RFTN1: variants seen among roughly 807,000 people sequenced by gnomAD.
The protein encoded by RFTN1 is raftlin.
Under a neutral mutation model 46.5 loss-of-function variants are expected in RFTN1, and 26 were observed. That is an observed-to-expected ratio of 0.56 (90% CI 0.41 to 0.78). The LOEUF (loss-of-function observed/expected upper bound fraction) is 0.78. Among genes scored for constraint, RFTN1 ranks in the 30% least tolerant of loss-of-function variants. The probability of loss-of-function intolerance (pLI) is 0.00; values close to 1 mark genes in which losing one functional copy is unlikely to be tolerated. For missense variants in RFTN1, 693 were observed against 718.7 expected, an observed-to-expected ratio of 0.96 and a Z score of 0.41; for synonymous variants, 261 against 284.2, an observed-to-expected ratio of 0.92 and a Z score of 0.82.
chr3:16,353,848 C>T lies in RFTN1; in HGVS notation c.1146+4084G>A, dbSNP rs2072249386. 6.6e-6 allele frequency among the ~76,000 whole-genome samples: 1 copy of T among 152,148 alleles called. No individual in the cohort carries two copies. Among genetic ancestry groups the T allele is most frequent in the Non-Finnish European group, 1.5e-5 (1 of 68,028 alleles). On this transcript the variant is annotated intron_variant, in intron 7 of 9. Coordinates refer to ENST00000334133, the MANE Select transcript of RFTN1 (RefSeq NM_015150.2). The surrounding 1 kb of genome is among the most constrained non-coding windows in gnomAD (Gnocchi z 5.4). Reference sequence around the variant, plus strand: ...GAGCCCTCACCAGAAACCAAACCCTCCCAGAACCTTGATCTTGGACTTTTC... The same window carrying T: ...GAGCCCTCACCAGAAACCAAACCCTTCCAGAACCTTGATCTTGGACTTTTC...
At position 16,459,750 on chromosome 3, in the gene RFTN1, T is replaced by G. The variant is rs1341306683; in HGVS notation, c.146-25713A>C. ...CACTTATATCTAGTCAATATCATCA[T>G]GTTATAGAAAAAAGTTGAAAAAGGA... On this transcript the variant is annotated intron_variant, in intron 2 of 9. Coordinates refer to ENST00000334133, the MANE Select transcript of RFTN1 (RefSeq NM_015150.2). This position sits in a 1 kb window ranked among gnomAD's most constrained non-coding sequence, Gnocchi z 4.2. Among the ~76,000 whole-genome samples the G allele has an allele frequency of 1.3e-5, 2 of 151,736 alleles. No homozygotes were observed. Among genetic ancestry groups the G allele is most frequent in the Non-Finnish European group, 2.9e-5 (2 of 68,030 alleles).
intron 7 of RFTN1, among the ~76,000 whole-genome samples, chr3:16,328,451 A>T (rs965846543): frequency 1.3e-5 from 2 of 152,212 alleles, no homozygotes; most frequent in Non-Finnish European, 2.9e-5. Context: ...GGAACAACCT[A>T]CCTGCCCTGT....
rs540104859 is a variant in RFTN1, at chr3:16,335,776, TAAA to T, written c.1147-8903_1147-8901del. The stretch of plus-strand genomic sequence containing the variant: ...ATCCTGCACTTGCACCCTGGAACTT[TAAA>T]AAAAAAAAAAAAAAAAGGAGTTTGA... On this transcript the variant is annotated intron_variant, in intron 7 of 9. Coordinates refer to ENST00000334133, the MANE Select transcript of RFTN1 (RefSeq NM_015150.2). The surrounding 1 kb of genome is among the most constrained non-coding windows in gnomAD (Gnocchi z 4.7). Among the ~76,000 whole-genome samples, 25,853 of 136,574 alleles carry T rather than the reference TAAA, an allele frequency of 0.19. 2,351 individuals carry two copies. Among genetic ancestry groups the T allele is most frequent in the Middle Eastern group, 0.28 (78 of 278 alleles). 89.6% of individuals were successfully genotyped at this position (136,574 alleles called of 152,430 possible). A position where few individuals can be genotyped will look rare whatever the true frequency, so the allele number is the denominator to read the frequency against.
chr3:16,496,311 G>T (rs1366055140), intron 1 of RFTN1, among the ~76,000 whole-genome samples: 1 of 152,196 alleles, frequency 6.6e-6, no homozygotes, highest in Non-Finnish European at 1.5e-5. Flanking sequence ...AGTGTGTGTT[G>T]GCTCCTGCAC....
intron 2 of RFTN1, among the ~76,000 whole-genome samples, chr3:16,476,677 G>A (rs1463998731): frequency 2.0e-5 from 3 of 152,186 alleles, no homozygotes; most frequent in African/African-American, 7.2e-5. Context: ...CCATCAGAGA[G>A]AAACACCCTG....
At chr3:16,360,174 C>CTT (rs201914116) in intron 6 of RFTN1, among the ~76,000 whole-genome samples, 5 of 146,088 alleles carry the variant, frequency 3.4e-5, no homozygotes, top group Non-Finnish European at 6.1e-5. Flanking sequence ...ATTGCAGTTT[C>CTT]TTTTTTTTTT....
At chr3:16,430,241 G>C (rs1025476383) in intron 3 of RFTN1, among the ~76,000 whole-genome samples, 2 of 152,040 alleles carry the variant, frequency 1.3e-5, no homozygotes, top group South Asian at 4.2e-4. Context: ...CTCCCGGGTA[G>C]CTGGGACTAC....
In RFTN1 at chr3:16,473,402, CTTT is replaced by C. The variant is rs5846924; in HGVS notation, c.145+20320_145+20322del. On this transcript the variant is annotated intron_variant, in intron 2 of 9. Transcript: ENST00000334133. This position sits in a 1 kb window ranked among gnomAD's most constrained non-coding sequence, Gnocchi z 5.3. The stretch of plus-strand genomic sequence containing the variant: ...AAATACTCTGTTTTCTTTCTTTTTT[CTTT>C]TTTTTTTTTTCCTGAGATAGAGTCT... Among the ~76,000 whole-genome samples, 1 of 144,776 alleles carries C rather than the reference CTTT, an allele frequency of 6.9e-6. No homozygotes were observed. The allele number at this position is 144,776 out of a possible 152,430, so 95.0% of individuals were successfully genotyped here. A position where few individuals can be genotyped will look rare whatever the true frequency, so the allele number is the denominator to read the frequency against.
At chr3:16,493,598 A>T in intron 2 of RFTN1, 127 bp downstream of exon 2, 1 of 843,720 alleles carries the variant, frequency 1.2e-6, no homozygotes, top group Non-Finnish European at 1.8e-6. Flanking sequence ...CCCCCTTGAG[A>T]CAGGCCTGCC....
chr3:16,431,795 A>G, intron 3 of RFTN1, among the ~76,000 whole-genome samples: 1 of 152,156 alleles, frequency 6.6e-6, no homozygotes, highest in East Asian at 1.9e-4. Context: ...TGAGTAATAA[A>G]AGTACTTCTT....
intron 4 of RFTN1, among the ~76,000 whole-genome samples, chr3:16,404,143 T>A (rs2074751485): frequency 3.8e-5 from 2 of 53,208 alleles, no homozygotes; most frequent in Non-Finnish European, 3.0e-5. Context: ...ATATATAATA[T>A]ACATTTTATA....
chr3:16,383,491 A>G lies in RFTN1; in HGVS notation c.442-5389T>C, dbSNP rs1384821488. 6.6e-6 allele frequency among the ~76,000 whole-genome samples: 1 copy of G among 152,238 alleles called. No homozygotes were observed. The highest frequency in any genetic ancestry group is 6.5e-5 in the Admixed American group (1 of 15,278). ...TTTCTTTTTAAAAAAATGTAGTTAT[A>G]TAAAAAGTCACAAGTCATTGTAAAA... On this transcript the variant is annotated intron_variant, in intron 4 of 9. Transcript: ENST00000334133. This position sits in a 1 kb window ranked among gnomAD's most constrained non-coding sequence, Gnocchi z 4.0.
rs552691437 is a variant in RFTN1, at chr3:16,428,439, A to C, written c.332+5412T>G. 6.6e-6 allele frequency among the ~76,000 whole-genome samples: 1 copy of C among 152,336 alleles called. No homozygotes were observed. Among genetic ancestry groups the C allele is most frequent in the South Asian group, 2.1e-4 (1 of 4,834 alleles). ...TGCCACAGTATTACATTTTATATGCACTTCAAAAGATTTTCAAGGGTAACT... is the reference window on the plus strand; with the variant it reads ...TGCCACAGTATTACATTTTATATGCCCTTCAAAAGATTTTCAAGGGTAACT... On this transcript the variant is annotated intron_variant, in intron 3 of 9. Coordinates refer to ENST00000334133, the MANE Select transcript of RFTN1 (RefSeq NM_015150.2). This position sits in a 1 kb window ranked among gnomAD's most constrained non-coding sequence, Gnocchi z 4.7.
At position 16,358,052 on chromosome 3, in the gene RFTN1, G is replaced by A. The variant is rs776035580; in HGVS notation, c.1031-5C>T. ...CTGTCAAGCCATGTAAGGAATCTGT[G>A]GAAAAAGAAAAAGGCGGGGGTGGGG... On this transcript the variant is annotated splice_region_variant and splice_polypyrimidine_tract_variant and intron_variant, in intron 6 of 9. Transcript: ENST00000334133. 2 of 1,258,568 alleles carry A rather than the reference G, an allele frequency of 1.6e-6. No homozygotes were observed. The highest frequency in any genetic ancestry group is 2.2e-6 in the Non-Finnish European group (2 of 891,770). The allele number at this position is 1,258,568 out of a possible 1,614,324, so 78.0% of individuals were successfully genotyped here.
chr3:16,352,500 A>G lies in RFTN1; in HGVS notation c.1146+5432T>C, dbSNP rs1452798982. Among the ~76,000 whole-genome samples, 1 of 152,238 alleles carries G rather than the reference A, an allele frequency of 6.6e-6. No individual in the cohort carries two copies. The highest frequency in any genetic ancestry group is 1.5e-5 in the Non-Finnish European group (1 of 68,038). ...AATACCTGTTATAAATGCCCTATGG[A>G]TAGACATTTATCTTACAAATGCCTT... is the stretch of plus-strand genomic sequence containing the variant. On this transcript the variant is annotated intron_variant, in intron 7 of 9. Coordinates refer to ENST00000334133, the MANE Select transcript of RFTN1 (RefSeq NM_015150.2). The surrounding 1 kb of genome is among the most constrained non-coding windows in gnomAD (Gnocchi z 4.6).
rs1553726059 is a variant in RFTN1, at chr3:16,345,786, C to CTGTGTGTGTGTG, written c.1146+12145_1146+12146insCACACACACACA. On this transcript the variant is annotated intron_variant, in intron 7 of 9. Transcript: ENST00000334133. This position sits in a 1 kb window ranked among gnomAD's most constrained non-coding sequence, Gnocchi z 5.2. ...CATGAGCCAAAACCTTATAATAAAT[C>CTGTGTGTGTGTG]TCTGTGTGTGTGTGTGTGTGTGTGT... is the stretch of plus-strand genomic sequence containing the variant. Among the ~76,000 whole-genome samples the CTGTGTGTGTGTG allele has an allele frequency of 2.4e-5, 2 of 81,640 alleles. No homozygotes were observed. The highest frequency in any genetic ancestry group is 1.1e-4 in the African/African-American group (2 of 18,578). The allele number at this position is 81,640 out of a possible 152,430, so 53.6% of individuals were successfully genotyped here.
chr3:16,340,155 A>G (rs1299099401), intron 7 of RFTN1, among the ~76,000 whole-genome samples: 1 of 152,250 alleles, frequency 6.6e-6, no homozygotes, highest in Admixed American at 6.5e-5. Flanking sequence ...ATTGCCACGC[A>G]TTACAGAGGG....
intron 9 of RFTN1, among the ~76,000 whole-genome samples, chr3:16,319,054 G>A (rs1342139932): frequency 5.3e-5 from 8 of 152,182 alleles, no homozygotes; most frequent in Admixed American, 3.9e-4. Flanking sequence ...TCCAGGCACC[G>A]TGTTATGGTT....
At position 16,473,607 on chromosome 3, in the gene RFTN1, G is replaced by A. The variant is rs554840938; in HGVS notation, c.145+20118C>T. ...TTTTTAGTAGAAACGGAGTTTCACC[G>A]TGTTGCCCAGGCTGGTCTGGAACTC... On this transcript the variant is annotated intron_variant, in intron 2 of 9. Transcript: ENST00000334133. This position sits in a 1 kb window ranked among gnomAD's most constrained non-coding sequence, Gnocchi z 5.3. 3.3e-5 allele frequency among the ~76,000 whole-genome samples: 5 copies of A among 151,978 alleles called. No homozygotes were observed. The highest frequency in any genetic ancestry group is 4.2e-4 in the South Asian group (2 of 4,800).
Sources: gnomAD v4.1 joint callset for allele counts (sites outside exome capture counted in the v4.1 genomes callset) on GRCh38, gnomAD v4.1.1 for gene constraint, Gnocchi (gnomAD v3.1) non-coding constraint, MANE v1.5 for transcripts, NCBI Gene and HGNC (gene_info 2026-07-23, HGNC 2026-07-21) for gene names.